PTPRD: variants seen among roughly 807,000 people sequenced by gnomAD.
PTPRD encodes receptor-type tyrosine-protein phosphatase delta.
A neutral mutation model predicts 214.5 loss-of-function variants in PTPRD; 34 were observed. That is an observed-to-expected ratio of 0.16 (90% CI 0.12 to 0.21). The LOEUF (loss-of-function observed/expected upper bound fraction) is 0.21, where lower values mean the gene tolerates loss of function less well. PTPRD is among the 10% of genes least tolerant of loss of function. The probability of loss-of-function intolerance (pLI) is 1.00; values close to 1 mark genes in which losing one functional copy is unlikely to be tolerated. For missense variants in PTPRD, 2,545 were observed against 2,398.7 expected (o/e 1.06, Z -1.27); for synonymous variants, 1,128 against 845.7 (o/e 1.33, Z -5.79).
At chr9:9,192,252 T>C (rs537998412) in intron 9 of PTPRD, among the ~76,000 whole-genome samples, 7 of 152,104 alleles carry the variant, frequency 4.6e-5, no homozygotes, top group African/African-American at 7.2e-5. Context: ...AAAAAAATTA[T>C]AAAGTGTTGG....
intron 35 of PTPRD, among the ~76,000 whole-genome samples, chr9:8,421,523 C>A (rs1214632051): frequency 6.6e-6 from 1 of 152,060 alleles, no homozygotes; most frequent in Non-Finnish European, 1.5e-5. Flanking sequence ...AAACTGAAGA[C>A]CCTGTAATCC....
At chr9:8,837,523 G>A (rs2381903) in intron 11 of PTPRD, among the ~76,000 whole-genome samples, 10,883 of 134,926 alleles carry the variant, frequency 0.081, 518 homozygotes, top group Non-Finnish European at 0.1. Context: ...TTTGTTTTGA[G>A]AAGAGGTCTC....
At chr9:10,540,161 T>C (rs116622630) in intron 2 of PTPRD, among the ~76,000 whole-genome samples, 77 of 152,172 alleles carry the variant, frequency 5.1e-4, no homozygotes, top group African/African-American at 1.5e-3. Context: ...TCCAGAGTAG[T>C]TGGGACAACT....
intron 3 of PTPRD, among the ~76,000 whole-genome samples, chr9:10,219,444 C>G (rs1324495649): frequency 6.6e-6 from 1 of 151,708 alleles, no homozygotes; most frequent in African/African-American, 2.4e-5. Context: ...GCTGAAATCA[C>G]TGGCATTAAT....
chr9:10,201,231 A>C (rs1434699964), intron 3 of PTPRD, among the ~76,000 whole-genome samples: 3 of 152,072 alleles, frequency 2.0e-5, no homozygotes, highest in Non-Finnish European at 4.4e-5. Flanking sequence ...ATAGTATAAA[A>C]AGCCATAAAG....
intron 9 of PTPRD, among the ~76,000 whole-genome samples, chr9:9,259,473 C>T (rs2132034724): frequency 6.6e-6 from 1 of 151,944 alleles, no homozygotes; most frequent in Middle Eastern, 3.4e-3. Flanking sequence ...AAGTGTAAAG[C>T]CTTACAAAAT....
chr9:10,415,879 T>G (rs894846621), intron 2 of PTPRD, among the ~76,000 whole-genome samples: 5 of 151,662 alleles, frequency 3.3e-5, no homozygotes, highest in Admixed American at 3.3e-4. Context: ...ATGCATGAAG[T>G]GAGAAGAAAC....
At chr9:9,082,766 C>G (rs752829816) in intron 10 of PTPRD, among the ~76,000 whole-genome samples, 1 of 152,056 alleles carries the variant, frequency 6.6e-6, no homozygotes, top group Non-Finnish European at 1.5e-5. Context: ...AATAGACAAA[C>G]AGAGAGCCAA....
At chr9:10,412,244 C>G (rs1405893983) in intron 2 of PTPRD, among the ~76,000 whole-genome samples, 2 of 151,498 alleles carry the variant, frequency 1.3e-5, no homozygotes, top group East Asian at 3.9e-4. Flanking sequence ...TACCACTGAC[C>G]CCACAGAAAT....
intron 3 of PTPRD, among the ~76,000 whole-genome samples, chr9:10,219,904 C>T (rs1320333730): frequency 6.6e-6 from 1 of 151,522 alleles, no homozygotes; most frequent in Non-Finnish European, 1.5e-5. Context: ...AAATGAATAA[C>T]TTGAATGTAG....
chr9:8,546,856 T>A (rs935909473), intron 14 of PTPRD, among the ~76,000 whole-genome samples: 14 of 152,200 alleles, frequency 9.2e-5, no homozygotes, highest in African/African-American at 3.1e-4. Flanking sequence ...ACATGATGCA[T>A]CTGTGTCACA....
chr9:8,447,625 C>T (rs1290843108), intron 34 of PTPRD, among the ~76,000 whole-genome samples: 1 of 152,202 alleles, frequency 6.6e-6, no homozygotes, highest in Non-Finnish European at 1.5e-5. Flanking sequence ...TCTCTCTACA[C>T]AGTTCCCATT....
intron 2 of PTPRD, among the ~76,000 whole-genome samples, chr9:10,519,018 T>C (rs374073321): frequency 1.3e-5 from 2 of 151,844 alleles, no homozygotes; most frequent in African/African-American, 4.8e-5. Context: ...TATCTCCTAT[T>C]TTCAGCTAAC....
At chr9:9,856,660 A>G (rs989474714) in intron 5 of PTPRD, among the ~76,000 whole-genome samples, 5 of 152,250 alleles carry the variant, frequency 3.3e-5, no homozygotes, top group Middle Eastern at 3.4e-3. Context: ...ATTATTGTGA[A>G]AACCTTTGGT....
At chr9:8,501,316 C>G (rs2097400864) in intron 23 of PTPRD, among the ~76,000 whole-genome samples, 1 of 152,038 alleles carries the variant, frequency 6.6e-6, no homozygotes, top group Non-Finnish European at 1.5e-5. Context: ...AATGAGACCT[C>G]GAGATAATGG....
intron 10 of PTPRD, among the ~76,000 whole-genome samples, chr9:9,136,765 GTTCT>G (rs2099851579): frequency 6.6e-6 from 1 of 152,134 alleles, no homozygotes; most frequent in Non-Finnish European, 1.5e-5. Flanking sequence ...CAATCATTAT[GTTCT>G]TTGTCTATAT....
At chr9:9,308,741 G>T (rs931226930) in intron 9 of PTPRD, among the ~76,000 whole-genome samples, 1 of 152,004 alleles carries the variant, frequency 6.6e-6, no homozygotes, top group Non-Finnish European at 1.5e-5. Context: ...TATTAAAATG[G>T]ATATTTTGAT....
chr9:9,423,278 G>A (rs996585166), intron 8 of PTPRD, among the ~76,000 whole-genome samples: 4 of 152,102 alleles, frequency 2.6e-5, no homozygotes, highest in African/African-American at 9.7e-5. Context: ...AGGTTTAGAT[G>A]AGGTTAGTAT....
chr9:9,990,448 G>A (rs1019205024), intron 4 of PTPRD, among the ~76,000 whole-genome samples: 3 of 152,268 alleles, frequency 2.0e-5, no homozygotes, highest in Admixed American at 2.0e-4. Flanking sequence ...GGGCTTGGCG[G>A]CTCCCCTCCT....
Sources: allele counts gnomAD v4.1 joint callset (sites outside exome capture counted in the v4.1 genomes callset), GRCh38; gene constraint gnomAD v4.1.1; transcripts MANE v1.5; gene names NCBI Gene and HGNC (gene_info 2026-07-23, HGNC 2026-07-21).